Variants in MUS81 observed in about 807,000 individuals in gnomAD.
MUS81 encodes the protein structure-specific endonuclease subunit MUS81.
MUS81 carries 69 observed loss-of-function variants against 74.2 expected under a neutral mutation model. The observed-to-expected ratio is 0.93, with a 90% CI of 0.77 to 1.14. The LOEUF is 1.14. Among genes scored for constraint, MUS81 ranks in the 50% most tolerant of loss-of-function variants. The probability of loss-of-function intolerance (pLI) is 0.00; values close to 1 mark genes in which losing one functional copy is unlikely to be tolerated. For synonymous variants in MUS81, 303 were observed against 300.6 expected (o/e 1.01, Z -0.08); for missense variants, 711 against 726.5 (o/e 0.98, Z 0.25).
intron 10 of MUS81, chr11:65,864,206 C>T: frequency 1.7e-6 from 1 of 585,468 alleles, no homozygotes; most frequent in Non-Finnish European, 3.0e-6. Context: ...AGAGGCTGTA[C>T]CTTGGTACTT....
At chr11:65,867,041 C>T, downstream of MUS81, 1 of 1,614,174 alleles carries the variant, frequency 6.2e-7, no homozygotes, top group Non-Finnish European at 8.5e-7. Context: ...CCGTCACCGG[C>T]CGGGCGAGGA....
rs34381357 is a variant in MUS81, at chr11:65,861,428, C to G, written c.344C>G (p.Ser115Cys). Residue 115 changes from serine to cysteine, a missense_variant, in exon 3 of 16, where the codon TCC (serine) becomes TGC (cysteine). Coordinates refer to ENST00000308110, the MANE Select transcript of MUS81 (RefSeq NM_025128.5). ...CGACTTGCGGAAGTCCAGGACTCTT[C>G]CATGCCAGTGAGGAAGGGGCAAGGG... ...QGRLAEVQDS[S>C]MPVPAQPKAG... 1.9e-5 allele frequency: 31 copies of G among 1,599,970 alleles called. No homozygotes were observed. The Admixed American group carries it at 4.8e-4, about 25-fold the overall frequency.
chr11:65,866,949 A>G (rs1859859168), downstream of MUS81: 4 of 1,614,132 alleles, frequency 2.5e-6, no homozygotes, highest in Non-Finnish European at 3.4e-6. Context: ...AAAGACGGTG[A>G]GCCTCAGTAC....
At chr11:65,866,774 C>T (rs568308652), downstream of MUS81, 1 of 1,105,832 alleles carries the variant, frequency 9.0e-7, no homozygotes, top group East Asian at 2.6e-5. Context: ...GCCACCCTGC[C>T]CCAGCCTGAG....
Position 65,865,310 on chromosome 11 carries a change from A to C in MUS81, c.1492A>C (p.Ser498Arg), listed in dbSNP as rs980934607. ...GGCAGCAGCCCTGGTGGATCGATAC[A>C]GCACCCCTGCCAGGTAGGCCCTAAA... Reference protein sequence around the residue: ...EKAAALVDRYSTPASLLAAYD... With the variant: ...EKAAALVDRYRTPASLLAAYD... The change falls in exon 14 of 16, where the codon AGC becomes CGC. Residue 498 changes from serine to arginine, a missense_variant. Coordinates refer to ENST00000308110, the MANE Select transcript of MUS81 (RefSeq NM_025128.5). The C allele has an allele frequency of 6.2e-7, 1 of 1,613,820 alleles. No individual in the cohort carries two copies. Among genetic ancestry groups the C allele is most frequent in the African/African-American group, 1.3e-5 (1 of 75,034 alleles).
chr11:65,862,009 C>T lies in MUS81; in HGVS notation c.414C>T (p.Ala138=). Residue 138 remains alanine (A), a synonymous_variant, in exon 4 of 16, where the codon GCC becomes GCT. Transcript: ENST00000308110. ...GSYWPARHSG[A]RVILLVLYRE... ...ACTGGCCAGCTCGGCACTCAGGAGC[C>T]CGAGTGATACTGCTGGTGCTCTACC... 1 of 1,610,946 alleles carries T rather than the reference C, an allele frequency of 6.2e-7. No individual in the cohort carries two copies. The highest frequency in any genetic ancestry group is 8.5e-7 in the Non-Finnish European group (1 of 1,179,050).
At chr11:65,862,729 G>C (rs1236563085) in intron 6 of MUS81, among the ~76,000 whole-genome samples, 200 bp downstream of exon 6, 1 of 152,214 alleles carries the variant, frequency 6.6e-6, no homozygotes, top group Non-Finnish European at 1.5e-5. Flanking sequence ...TATTGGAGGA[G>C]GAGAAAGCCT....
chr11:65,867,175 A>AGAG, downstream of MUS81: 1 of 1,510,576 alleles, frequency 6.6e-7, no homozygotes. Context: ...GCCGTGAGGC[A>AGAG]GAGGAACAGC....
downstream of MUS81, chr11:65,866,822 G>A (rs920823319): frequency 6.7e-7 from 1 of 1,495,444 alleles, no homozygotes; most frequent in Non-Finnish European, 9.2e-7. Context: ...CAGCCACCAG[G>A]ACTTTCTTTC....
At chr11:65,865,386 A>T in intron 14 of MUS81, 63 bp downstream of exon 14, 1 of 1,500,622 alleles carries the variant, frequency 6.7e-7, no homozygotes, top group South Asian at 1.2e-5. Context: ...AATTCACCTT[A>T]ATCCATGCTT....
chr11:65,861,386 G>A lies in MUS81; in HGVS notation c.302G>A (p.Ser101Asn), dbSNP rs561972931. 9.4e-6 allele frequency: 15 copies of A among 1,603,504 alleles called. No homozygotes were observed. The East Asian group carries it at 2.9e-4, about 31-fold the overall frequency. The change falls in exon 3 of 16, where the codon AGT (serine) becomes AAT (asparagine). Residue 101 changes from serine (S) to asparagine (N), a missense_variant. Coordinates refer to ENST00000308110, the MANE Select transcript of MUS81 (RefSeq NM_025128.5). ...CCGGACTCACCATCTGGAGAGAACA[G>A]TCCAGCCCCGCAGGGGCGACTTGCG... ...HAPDSPSGENSPAPQGRLAEV... is the reference protein window; with the variant it reads ...HAPDSPSGENNPAPQGRLAEV...
chr11:65,861,669 G>A (rs535409858), intron 3 of MUS81: 47 of 601,506 alleles, frequency 7.8e-5, no homozygotes, highest in African/African-American at 7.6e-4. Flanking sequence ...AGTTAGTTAC[G>A]GGGTCACCAT....
downstream of MUS81, chr11:65,866,759 CA>C (rs771139031): frequency 1.1e-5 from 11 of 967,590 alleles, no homozygotes; most frequent in African/African-American, 3.2e-5. Flanking sequence ...CCTGCCCCCC[CA>C]AGTGCCACCC....
chr11:65,860,201 C>T (rs1293805371), upstream of MUS81: 3 of 452,962 alleles, frequency 6.6e-6, no homozygotes, highest in African/African-American at 4.0e-5. Flanking sequence ...CCCACCAATA[C>T]GTTTGCACCC....
At chr11:65,867,234 C>T (rs1040511933), downstream of MUS81, 10 of 799,536 alleles carry the variant, frequency 1.3e-5, no homozygotes, top group African/African-American at 5.1e-5. Context: ...TTGACACCCT[C>T]GATGTCTCTC....
chr11:65,864,497 T>G lies in MUS81; in HGVS notation c.1060T>G (p.Phe354Val). Residue 354 changes from phenylalanine (F) to valine (V), a missense_variant and splice_region_variant, in exon 11 of 16, where the codon TTC (phenylalanine) becomes GTC (valine). Transcript: ENST00000308110. ...IIDGRFREQK[F>V]RLKRCGLERR... ...CTGTCCACTCTGTACACTTCCCTAG[T>G]TCCGGCTGAAGCGCTGTGGTCTGGA... is the stretch of plus-strand genomic sequence containing the variant. The G allele has an allele frequency of 6.2e-7, 1 of 1,613,822 alleles. No homozygotes were observed. The highest frequency in any genetic ancestry group is 2.2e-5 in the East Asian group (1 of 44,886).
rs758154897 is a variant in MUS81 at position 65,860,837 on chromosome 11, GC to G, written c.85del (p.Arg29GlyfsTer112). 5.2e-6 allele frequency: 8 copies of G among 1,544,074 alleles called. No homozygotes were observed. Among genetic ancestry groups the G allele is most frequent in the Non-Finnish European group, 7.0e-6 (8 of 1,146,950 alleles). ...TCTTCGTTCGCTGGCTGACCGAGTG[GC>G]GGGACGAGGCGACCCGCAGCAGGCG... ...PLFVRWLTEW[R>X]DEATRSRRRT... On this transcript the variant is annotated frameshift_variant, in exon 1 of 16. Transcript: ENST00000308110. LOFTEE classifies it high-confidence loss of function.
chr11:65,865,014 C>G lies in MUS81; in HGVS notation c.1273-3C>G, dbSNP rs1204612877. ...GCCTGGCCTCAGTCCCTTCTTCCCT[C>G]AGGGCCACACCCTACGCAGCCGCCC... On this transcript the variant is annotated splice_region_variant and splice_polypyrimidine_tract_variant and intron_variant, in intron 12 of 15. Coordinates refer to ENST00000308110, the MANE Select transcript of MUS81 (RefSeq NM_025128.5). The G allele has an allele frequency of 1.2e-6, 2 of 1,613,360 alleles. No homozygotes were observed. Among genetic ancestry groups the G allele is most frequent in the Non-Finnish European group, 1.7e-6 (2 of 1,179,988 alleles).
In MUS81 at chr11:65,860,737, G is replaced by A; in HGVS notation, c.-17G>A. On this transcript the variant is annotated 5_prime_UTR_variant, in exon 1 of 16. Coordinates refer to ENST00000308110, the MANE Select transcript of MUS81 (RefSeq NM_025128.5). ...GTCCCGCGGGCGTGGAGCGCCGGAG[G>A]ACCCGCCCTCGGGCTCATGGCGGCC... 1 of 1,532,794 alleles carries A rather than the reference G, an allele frequency of 6.5e-7. No homozygotes were observed. The allele number at this position is 1,532,794 out of a possible 1,614,324, so 94.9% of individuals were successfully genotyped here.
Sources: allele counts gnomAD v4.1 joint callset (sites outside exome capture counted in the v4.1 genomes callset), GRCh38; gene constraint gnomAD v4.1.1; transcripts MANE v1.5; gene names NCBI Gene and HGNC (gene_info 2026-07-23, HGNC 2026-07-21).